The following GALNTL6 variants were observed in gnomAD, a reference collection of about 807,000 sequenced individuals.
GALNTL6 encodes the protein polypeptide N-acetylgalactosaminyltransferase-like 6.
GALNTL6 carries 46 observed loss-of-function variants against 73.7 expected under a neutral mutation model. The ratio of observed to expected loss-of-function variants is 0.62; its 90% CI spans 0.49 to 0.80. The LOEUF (loss-of-function observed/expected upper bound fraction) is 0.80, where lower values mean the gene tolerates loss of function less well. GALNTL6 is among the 30% of genes least tolerant of loss of function. The pLI, the probability that GALNTL6 is intolerant of heterozygous loss-of-function variation, is 0.00. For synonymous variants in GALNTL6, 259 were observed against 263.7 expected (o/e 0.98, Z 0.17); for missense variants, 604 against 755.0 (o/e 0.80, Z 2.34).
At chr4:172,438,911 T>A (rs981385433) in intron 5 of GALNTL6, among the ~76,000 whole-genome samples, 5 of 152,028 alleles carry the variant, frequency 3.3e-5, no homozygotes, top group Non-Finnish European at 7.4e-5. Context: ...CCCACATCCA[T>A]CCCTTACCTA....
At chr4:172,544,525 G>A (rs951496478) in intron 5 of GALNTL6, among the ~76,000 whole-genome samples, 1 of 152,094 alleles carries the variant, frequency 6.6e-6, no homozygotes, top group Non-Finnish European at 1.5e-5. Context: ...TAAACAAATA[G>A]GGTCACTTTT....
intron 2 of GALNTL6, among the ~76,000 whole-genome samples, chr4:172,087,305 C>T (rs28380378): frequency 6.6e-6 from 1 of 151,380 alleles, no homozygotes; most frequent in African/African-American, 2.4e-5. Flanking sequence ...ATTAGCCGGG[C>T]GTGGGGGTGG....
chr4:172,574,962 ACACG>A lies in GALNTL6; in HGVS notation c.553+226274_553+226277del, dbSNP rs1454598390. Among the ~76,000 whole-genome samples the A allele has an allele frequency of 2.1e-5, 3 of 143,248 alleles. No individual in the cohort carries two copies. The East Asian group carries it at 6.4e-4, about 31-fold the overall frequency. The allele number at this position is 143,248 out of a possible 152,430, so 94.0% of individuals were successfully genotyped here. Reference sequence around the variant, plus strand: ...CATACACACACACACACACACACACACACGATTAGAAAGTCTCCTGTGCTCTCCA... The same window carrying A: ...CATACACACACACACACACACACACAATTAGAAAGTCTCCTGTGCTCTCCA... On this transcript the variant is annotated intron_variant, in intron 5 of 12. Coordinates refer to ENST00000506823, the MANE Select transcript of GALNTL6 (RefSeq NM_001034845.3).
In GALNTL6 at chr4:172,578,733, C is replaced by T. The variant is rs573254324; in HGVS notation, c.553+230044C>T. Among the ~76,000 whole-genome samples the T allele has an allele frequency of 1.7e-3, 261 of 152,336 alleles. 2 individuals carry two copies. The highest frequency in any genetic ancestry group is 5.6e-3 in the African/African-American group (231 of 41,588). On this transcript the variant is annotated intron_variant, in intron 5 of 12. Transcript: ENST00000506823. ...ATTTTTAGCTAGATGTGTTAAATCT[C>T]ATTGTAAACCAGTCTTCTTACATTC... is the stretch of plus-strand genomic sequence containing the variant.
chr4:172,140,168 T>C (rs1353317176), intron 2 of GALNTL6, among the ~76,000 whole-genome samples: 1 of 152,092 alleles, frequency 6.6e-6, no homozygotes, highest in Non-Finnish European at 1.5e-5. Context: ...ATTCGTTACA[T>C]TTCTTTATGC....
intron 5 of GALNTL6, among the ~76,000 whole-genome samples, chr4:172,760,526 A>T (rs962605341): frequency 5.9e-5 from 9 of 151,994 alleles, no homozygotes; most frequent in Admixed American, 1.3e-4. Context: ...TGCTGTGATG[A>T]CCTCTTTTCT....
At chr4:172,070,974 T>G (rs1273771402) in intron 2 of GALNTL6, among the ~76,000 whole-genome samples, 1 of 109,558 alleles carries the variant, frequency 9.1e-6, no homozygotes, top group African/African-American at 3.4e-5. Context: ...TTAGTTGTGT[T>G]GATCCCAGAA....
chr4:172,923,300 A>G (rs1747885913), intron 8 of GALNTL6, among the ~76,000 whole-genome samples: 1 of 151,642 alleles, frequency 6.6e-6, no homozygotes, highest in Non-Finnish European at 1.5e-5. Flanking sequence ...GGCAGGGAAG[A>G]GAGAACTTGT....
intron 5 of GALNTL6, among the ~76,000 whole-genome samples, chr4:172,440,589 A>G (rs555720101): frequency 9.9e-5 from 15 of 152,274 alleles, no homozygotes; most frequent in African/African-American, 3.4e-4. Context: ...CAACATCAAG[A>G]GTGAACCCTA....
chr4:171,865,420 G>A (rs1161061064), intron 2 of GALNTL6, among the ~76,000 whole-genome samples: 5 of 152,090 alleles, frequency 3.3e-5, no homozygotes, highest in Non-Finnish European at 7.4e-5. Flanking sequence ...TAGAAAAACT[G>A]AATTGATCAG....
intron 5 of GALNTL6, among the ~76,000 whole-genome samples, chr4:172,753,818 T>G (rs1737575842): frequency 1.3e-5 from 2 of 152,150 alleles, no homozygotes; most frequent in South Asian, 4.1e-4. Context: ...CATAATTTTT[T>G]TAAAAGAACA....
intron 10 of GALNTL6, among the ~76,000 whole-genome samples, chr4:172,969,522 C>T (rs1167472177): frequency 2.0e-5 from 3 of 152,178 alleles, no homozygotes; most frequent in Non-Finnish European, 4.4e-5. Context: ...CACTGAAACA[C>T]TTTCTAATAA....
chr4:172,135,568 C>A (rs1338648570), intron 2 of GALNTL6, among the ~76,000 whole-genome samples: 1 of 152,046 alleles, frequency 6.6e-6, no homozygotes, highest in African/African-American at 2.4e-5. Context: ...AGTTAGCGTC[C>A]TTCAGGGCTT....
intron 5 of GALNTL6, among the ~76,000 whole-genome samples, chr4:172,674,884 A>G (rs931202848): frequency 6.6e-6 from 1 of 152,144 alleles, no homozygotes. Context: ...TTGTTTTATC[A>G]TGACTTTTAA....
At chr4:172,960,126 C>T (rs574870928) in intron 10 of GALNTL6, among the ~76,000 whole-genome samples, 56 of 152,284 alleles carry the variant, frequency 3.7e-4, no homozygotes, top group East Asian at 1.2e-3. Flanking sequence ...AAGAATAAGA[C>T]GGCCTTCTGA....
intron 2 of GALNTL6, among the ~76,000 whole-genome samples, chr4:172,042,387 T>C (rs1448437531): frequency 6.6e-6 from 1 of 152,060 alleles, no homozygotes; most frequent in Non-Finnish European, 1.5e-5. Context: ...AATAAGCCTT[T>C]AACTCCATAA....
At chr4:171,955,897 G>T (rs1437022883) in intron 2 of GALNTL6, among the ~76,000 whole-genome samples, 2 of 152,066 alleles carry the variant, frequency 1.3e-5, no homozygotes, top group South Asian at 2.1e-4. Context: ...TATGCAATTA[G>T]TTAAAAGTAC....
chr4:172,216,169 A>G (rs555631125), intron 2 of GALNTL6, among the ~76,000 whole-genome samples: 11 of 152,232 alleles, frequency 7.2e-5, no homozygotes, highest in Admixed American at 2.6e-4. Flanking sequence ...GAAATATACT[A>G]TATCATTTTC....
chr4:172,733,468 G>A (rs6853969), intron 5 of GALNTL6, among the ~76,000 whole-genome samples: 43,923 of 151,622 alleles, frequency 0.29, 6,787 homozygotes, highest in Middle Eastern at 0.45. Context: ...AATCCCTATG[G>A]GGGTATTTGA....
Sources: allele counts gnomAD v4.1 joint callset (sites outside exome capture counted in the v4.1 genomes callset), GRCh38; gene constraint gnomAD v4.1.1; transcripts MANE v1.5; gene names NCBI Gene and HGNC (gene_info 2026-07-23, HGNC 2026-07-21).